The following C1QTNF7 variants were observed in gnomAD, a reference collection of about 807,000 sequenced individuals.
C1QTNF7 encodes complement C1q tumor necrosis factor-related protein 7.
C1QTNF7 carries 15 observed loss-of-function variants against 19.6 expected under a neutral mutation model. The ratio of observed to expected loss-of-function variants is 0.76; its 90% CI spans 0.51 to 1.18. The LOEUF is 1.18. Ranked by LOEUF, C1QTNF7 falls within the 50% of genes most tolerant of loss-of-function variation. The pLI is 0.00. For synonymous variants in C1QTNF7, 142 were observed against 137.5 expected, an observed-to-expected ratio of 1.03 and a Z score of -0.23; for missense variants, 324 against 359.7, an observed-to-expected ratio of 0.90 and a Z score of 0.80.
chr4:15,424,499 G>C (rs1199363338), upstream of C1QTNF7, among the ~76,000 whole-genome samples: 2 of 152,118 alleles, frequency 1.3e-5, no homozygotes, highest in Admixed American at 1.3e-4. Context: ...CCCCCCACCA[G>C]CCTCAGATTC....
At chr4:15,427,118 G>A (rs1712085836), upstream of C1QTNF7, among the ~76,000 whole-genome samples, 1 of 152,026 alleles carries the variant, frequency 6.6e-6, no homozygotes, top group African/African-American at 2.4e-5. Context: ...AAATTAAGCT[G>A]GTCAGAACGG....
rs1043670833 is a variant in C1QTNF7 at position 15,445,199 on chromosome 4, G to A, written c.*2400G>A. Reference sequence around the variant, plus strand: ...AGAAAAAAAGGAGACAGCAAAGGTGGTTTGAGGTAGTCACCTGCTTACAGA... The same window carrying A: ...AGAAAAAAAGGAGACAGCAAAGGTGATTTGAGGTAGTCACCTGCTTACAGA... On this transcript the variant is annotated 3_prime_UTR_variant, in exon 3 of 3. Coordinates refer to ENST00000444304, the MANE Select transcript of C1QTNF7 (RefSeq NM_031911.5). 1 of 152,218 alleles carries A rather than the reference G, an allele frequency of 6.6e-6. No homozygotes were observed. Among genetic ancestry groups the A allele is most frequent in the Non-Finnish European group, 1.5e-5 (1 of 68,052 alleles). 9.4% of individuals were successfully genotyped at this position (152,218 alleles called of 1,614,324 possible).
chr4:15,436,021 C>G, intron 2 of C1QTNF7, 40 bp downstream of exon 2: 1 of 1,589,188 alleles, frequency 6.3e-7, no homozygotes, highest in Non-Finnish European at 8.6e-7. Flanking sequence ...CTCCTTCACC[C>G]CCACCTTAAA....
At chr4:15,432,303 G>A (rs923840820) in intron 1 of C1QTNF7, among the ~76,000 whole-genome samples, 5 of 152,318 alleles carry the variant, frequency 3.3e-5, no homozygotes, top group African/African-American at 9.6e-5. Flanking sequence ...TGCACACCCC[G>A]TGGTCTTCTT....
At chr4:15,369,213 T>C (rs1405817307) in intron 1 of C1QTNF7, among the ~76,000 whole-genome samples, 3 of 152,204 alleles carry the variant, frequency 2.0e-5, no homozygotes, top group African/African-American at 7.2e-5. Context: ...TGAGAGTCTC[T>C]GCACACAAGT....
intron 1 of C1QTNF7, among the ~76,000 whole-genome samples, chr4:15,431,172 T>C (rs770525749): frequency 2.6e-5 from 4 of 152,162 alleles, no homozygotes; most frequent in Non-Finnish European, 5.9e-5. Flanking sequence ...CATAGGAAAC[T>C]GGTTAAATAT....
In C1QTNF7 at chr4:15,443,301, T is replaced by A. The variant is rs1312638783; in HGVS notation, c.*502T>A. 1 of 153,668 alleles carries A rather than the reference T, an allele frequency of 6.5e-6. No individual in the cohort carries two copies. The highest frequency in any genetic ancestry group is 1.4e-5 in the Non-Finnish European group (1 of 69,166). The allele number at this position is 153,668 out of a possible 1,614,324, so 9.5% of individuals were successfully genotyped here. Reference sequence around the variant, plus strand: ...TTTTGTTTTATTATTTATTCCTTCATGTTTGTATATATTCACTCAACAACC... The same window carrying A: ...TTTTGTTTTATTATTTATTCCTTCAAGTTTGTATATATTCACTCAACAACC... On this transcript the variant is annotated 3_prime_UTR_variant, in exon 3 of 3. Coordinates refer to ENST00000444304, the MANE Select transcript of C1QTNF7 (RefSeq NM_031911.5).
chr4:15,415,445 G>T (rs1254549488), intron 1 of C1QTNF7, among the ~76,000 whole-genome samples: 1 of 152,052 alleles, frequency 6.6e-6, no homozygotes, highest in Non-Finnish European at 1.5e-5. Context: ...TTTTTATGTA[G>T]CATTTATTGA....
At chr4:15,374,610 C>A (rs902340175) in intron 1 of C1QTNF7, 1 of 985,404 alleles carries the variant, frequency 1.0e-6, no homozygotes, top group Non-Finnish European at 1.2e-6. Flanking sequence ...CCTGGGAGAA[C>A]GCTTTTGAAA....
At chr4:15,437,230 A>T (rs1237453827) in intron 2 of C1QTNF7, among the ~76,000 whole-genome samples, 1 of 152,034 alleles carries the variant, frequency 6.6e-6, no homozygotes, top group African/African-American at 2.4e-5. Flanking sequence ...ATACAAACAA[A>T]CATTGGAGTC....
rs33924061 is a variant in C1QTNF7 at position 15,431,052 on chromosome 4, TGATAGATAGATAGATA to T, written c.-9+2986_-9+3001del. On this transcript the variant is annotated intron_variant, in intron 1 of 2. Transcript: ENST00000444304. Reference sequence around the variant, plus strand: ...CCATTTGTAGATTAAGATAGATAGATGATAGATAGATAGATAGATAGATAGATAGATAGATAGATAG... The same window carrying T: ...CCATTTGTAGATTAAGATAGATAGATGATAGATAGATAGATAGATAGATAG... Among the ~76,000 whole-genome samples, 343 of 145,018 alleles carry T rather than the reference TGATAGATAGATAGATA, an allele frequency of 2.4e-3. 1 individual carries two copies. The highest frequency in any genetic ancestry group is 6.6e-3 in the African/African-American group (250 of 38,046).
chr4:15,422,202 T>G (rs561588776), intron 1 of C1QTNF7, among the ~76,000 whole-genome samples: 5,570 of 40,490 alleles, frequency 0.14, 153 homozygotes, highest in Non-Finnish European at 0.2. Flanking sequence ...AATAAACCTG[T>G]TTTTTTTTAA....
chr4:15,365,636 G>T (rs1717488415), intron 1 of C1QTNF7, among the ~76,000 whole-genome samples: 1 of 152,158 alleles, frequency 6.6e-6, no homozygotes, highest in African/African-American at 2.4e-5. Context: ...TCTAGGAATG[G>T]TGTTAGCTTC....
intron 1 of C1QTNF7, among the ~76,000 whole-genome samples, chr4:15,393,982 G>C (rs1237959466): frequency 1.3e-5 from 2 of 152,174 alleles, no homozygotes; most frequent in Admixed American, 6.5e-5. Flanking sequence ...AAGGGCAGAG[G>C]GGGTGTGTAG....
chr4:15,397,599 G>A (rs920033612), intron 1 of C1QTNF7, among the ~76,000 whole-genome samples: 1 of 152,230 alleles, frequency 6.6e-6, no homozygotes, highest in African/African-American at 2.4e-5. Flanking sequence ...CACTGGGCTT[G>A]AAGATAGTAA....
At chr4:15,348,383 T>C (rs1432335678) in intron 1 of C1QTNF7, among the ~76,000 whole-genome samples, 1 of 152,158 alleles carries the variant, frequency 6.6e-6, no homozygotes, top group African/African-American at 2.4e-5. Flanking sequence ...CCTGGGATGT[T>C]CGGTTTGGAA....
intron 1 of C1QTNF7, among the ~76,000 whole-genome samples, chr4:15,378,076 G>A (rs1718007810): frequency 6.6e-6 from 1 of 152,158 alleles, no homozygotes; most frequent in African/African-American, 2.4e-5. Context: ...TTGAAAAGTG[G>A]TATGAATAAA....
At chr4:15,395,558 G>A (rs1238621223) in intron 1 of C1QTNF7, among the ~76,000 whole-genome samples, 1 of 152,126 alleles carries the variant, frequency 6.6e-6, no homozygotes, top group East Asian at 1.9e-4. Context: ...CCACAACCCA[G>A]TTAAAAGAGG....
At chr4:15,395,696 A>C (rs1303413544) in intron 1 of C1QTNF7, among the ~76,000 whole-genome samples, 1 of 152,204 alleles carries the variant, frequency 6.6e-6, no homozygotes, top group African/African-American at 2.4e-5. Flanking sequence ...ATGACACCGA[A>C]AAAACAGCAG....
Sources: gnomAD v4.1 joint callset for allele counts (sites outside exome capture counted in the v4.1 genomes callset) on GRCh38, gnomAD v4.1.1 for gene constraint, MANE v1.5 for transcripts, NCBI Gene and HGNC (gene_info 2026-07-23, HGNC 2026-07-21) for gene names.